Variants in SRGAP3 observed in about 807,000 individuals in gnomAD.
SRGAP3 encodes the protein SLIT-ROBO Rho GTPase activating protein 3.
A neutral mutation model predicts 121.1 loss-of-function variants in SRGAP3; 39 were observed. That is an observed-to-expected ratio of 0.32 (90% confidence interval 0.25 to 0.42). SRGAP3 has a LOEUF of 0.42. Ranked by LOEUF, SRGAP3 falls within the 10% of genes least tolerant of loss-of-function variation. SRGAP3 has a pLI of 1.00. For missense variants in SRGAP3, 1,213 were observed against 1,470.6 expected (o/e 0.82, Z 2.86); for synonymous variants, 601 against 570.0 (o/e 1.05, Z -0.77).
intron 14 of SRGAP3, among the ~76,000 whole-genome samples, chr3:9,016,800 T>C (rs528546676): frequency 6.6e-6 from 1 of 152,330 alleles, no homozygotes; most frequent in African/African-American, 2.4e-5. Flanking sequence ...ATTTCTTCTC[T>C]GTGTATCAGC....
intron 1 of SRGAP3, among the ~76,000 whole-genome samples, chr3:9,189,861 A>T (rs745679418): frequency 6.6e-6 from 1 of 152,226 alleles, no homozygotes; most frequent in African/African-American, 2.4e-5. Context: ...CTCTCCCTGA[A>T]TCTCTTATTT....
intron 7 of SRGAP3, 29 bp downstream of exon 7, chr3:9,058,222 C>T: frequency 6.2e-7 from 1 of 1,612,378 alleles, no homozygotes; most frequent in Non-Finnish European, 8.5e-7. Flanking sequence ...GGAAGCAGCC[C>T]CAAGCCCGGG....
intron 1 of SRGAP3, among the ~76,000 whole-genome samples, chr3:9,355,231 G>T (rs1412907142): frequency 6.6e-6 from 1 of 152,180 alleles, no homozygotes; most frequent in Non-Finnish European, 1.5e-5. Flanking sequence ...GAATTTGACA[G>T]TTCTCACCAC....
In SRGAP3 at chr3:9,013,730, C is replaced by T. The variant is rs747069350; in HGVS notation, c.1919+7G>A. 5.6e-6 allele frequency: 9 copies of T among 1,614,018 alleles called. No individual in the cohort carries two copies. The East Asian group carries it at 8.9e-5, about 16-fold the overall frequency. ...GTCAAAAAGGGGCCCCTTGGCCAGA[C>T]ACTCACTGGTTGAGGAAAGCGAAGA... On this transcript the variant is annotated splice_region_variant and intron_variant, in intron 16 of 21. Coordinates refer to ENST00000383836, the MANE Select transcript of SRGAP3 (RefSeq NM_014850.4).
chr3:9,026,804 G>T, intron 13 of SRGAP3, 131 bp downstream of exon 13: 1 of 997,764 alleles, frequency 1.0e-6, no homozygotes, highest in Non-Finnish European at 1.6e-6. Context: ...GCTGTGTGCA[G>T]TACTTTCCCC....
rs571220610 is a variant in SRGAP3, at chr3:9,161,054, A to C, written c.68-36137T>G. 1.6e-4 allele frequency among the ~76,000 whole-genome samples: 25 copies of C among 152,370 alleles called. No homozygotes were observed. In the South Asian group the frequency reaches 4.1e-3, roughly 25 times the overall value. On this transcript the variant is annotated intron_variant, in intron 1 of 21. Coordinates refer to ENST00000383836, the MANE Select transcript of SRGAP3 (RefSeq NM_014850.4). ...GGTAGAAGGAATGATGGAATTATAA[A>C]AATCACCATTTGACAAAACATGCTA...
intron 1 of SRGAP3, among the ~76,000 whole-genome samples, chr3:9,125,827 T>C (rs772826847): frequency 6.6e-6 from 1 of 152,046 alleles, no homozygotes; most frequent in Non-Finnish European, 1.5e-5. Flanking sequence ...TGCTCAGAAA[T>C]ACCCCACGGC....
chr3:9,112,319 T>C (rs1435526732), intron 2 of SRGAP3, among the ~76,000 whole-genome samples: 1 of 152,216 alleles, frequency 6.6e-6, no homozygotes, highest in Non-Finnish European at 1.5e-5. Flanking sequence ...ATCAGTTCTG[T>C]GGCCAGAAAG....
intron 1 of SRGAP3, among the ~76,000 whole-genome samples, chr3:9,156,949 C>T (rs1465828933): frequency 2.0e-5 from 3 of 152,210 alleles, no homozygotes; most frequent in Non-Finnish European, 2.9e-5. Context: ...TAAGACCCTA[C>T]TCTGTGCCCC....
At chr3:9,223,555 TC>T (rs1223497483) in intron 1 of SRGAP3, among the ~76,000 whole-genome samples, 6 of 152,116 alleles carry the variant, frequency 3.9e-5, no homozygotes, top group African/African-American at 1.4e-4. Flanking sequence ...CAGGAGGAGT[TC>T]CTCATGATAC....
At chr3:9,024,394 T>C (rs1310785718) in intron 14 of SRGAP3, among the ~76,000 whole-genome samples, 1 of 152,242 alleles carries the variant, frequency 6.6e-6, no homozygotes, top group Admixed American at 6.5e-5. Context: ...GGGAGCAGGA[T>C]TGAAAATATT....
At chr3:9,196,838 G>A (rs919215644) in intron 1 of SRGAP3, among the ~76,000 whole-genome samples, 3 of 152,138 alleles carry the variant, frequency 2.0e-5, no homozygotes, top group Non-Finnish European at 2.9e-5. Flanking sequence ...ATAAAGTAAG[G>A]GAACAGCCAA....
intron 3 of SRGAP3, among the ~76,000 whole-genome samples, chr3:9,312,714 G>C (rs775656629): frequency 3.9e-5 from 6 of 152,196 alleles, no homozygotes; most frequent in Non-Finnish European, 8.8e-5. Context: ...GCTGGGCGCA[G>C]TGATTCACAC....
chr3:9,203,719 T>C (rs1952153438), intron 1 of SRGAP3, among the ~76,000 whole-genome samples: 1 of 152,250 alleles, frequency 6.6e-6, no homozygotes, highest in Non-Finnish European at 1.5e-5. Flanking sequence ...CCTCAGAGCC[T>C]GGAACATGGT....
intron 4 of SRGAP3, among the ~76,000 whole-genome samples, chr3:9,073,932 T>C (rs754799183): frequency 2.0e-5 from 3 of 152,218 alleles, no homozygotes; most frequent in Admixed American, 6.5e-5. Context: ...GTAACTGAGA[T>C]TATACGGGGA....
chr3:9,172,093 C>CTTTTTTT (rs1553684903), intron 1 of SRGAP3, among the ~76,000 whole-genome samples: 3 of 90,188 alleles, frequency 3.3e-5, no homozygotes, highest in African/African-American at 3.2e-5. Context: ...TTTTTCTTTT[C>CTTTTTTT]TTTTTTTTTT....
At chr3:9,242,883 C>T (rs1185026569) in intron 1 of SRGAP3, among the ~76,000 whole-genome samples, 1 of 151,930 alleles carries the variant, frequency 6.6e-6, no homozygotes, top group Non-Finnish European at 1.5e-5. Context: ...CAGGATTTTG[C>T]CATGTTGCCC....
chr3:9,050,288 C>A (rs549069612), intron 9 of SRGAP3, among the ~76,000 whole-genome samples: 1 of 152,140 alleles, frequency 6.6e-6, no homozygotes, highest in African/African-American at 2.4e-5. Context: ...AAAAGCAGAG[C>A]TGAGGGGTAA....
At chr3:9,189,398 A>G (rs915932994) in intron 1 of SRGAP3, among the ~76,000 whole-genome samples, 2 of 152,208 alleles carry the variant, frequency 1.3e-5, no homozygotes, top group African/African-American at 4.8e-5. Context: ...GTCAGTTTTT[A>G]TCTATTGTCA....
Sources: gnomAD v4.1 joint callset for allele counts (sites outside exome capture counted in the v4.1 genomes callset) on GRCh38, gnomAD v4.1.1 for gene constraint, MANE v1.5 for transcripts, NCBI Gene and HGNC (gene_info 2026-07-23, HGNC 2026-07-21) for gene names.